The following SLC3A1 variants were observed in gnomAD, a reference collection of about 807,000 sequenced individuals.
SLC3A1 encodes amino acid transporter heavy chain SLC3A1.
In SLC3A1, 78 loss-of-function variants were observed where a neutral mutation model predicts 60.3. That is an observed-to-expected ratio of 1.29 (90% CI 1.08 to 1.56). The LOEUF (loss-of-function observed/expected upper bound fraction) is 1.56, where lower values mean the gene tolerates loss of function less well. Among genes scored for constraint, SLC3A1 ranks in the 40% most tolerant of loss-of-function variants. The pLI is 0.00. For synonymous variants in SLC3A1, 392 were observed against 307.9 expected, an observed-to-expected ratio of 1.27 and a Z score of -2.86; for missense variants, 1,172 against 858.9, an observed-to-expected ratio of 1.36 and a Z score of -4.56.
Position 44,304,166 on chromosome 2 carries a change from CAG to C in SLC3A1, c.1165_1166del (p.Ser389TyrfsTer2), listed in dbSNP as rs1558464403. On this transcript the variant is annotated frameshift_variant, in exon 7 of 10. Coordinates refer to ENST00000260649, the MANE Select transcript of SLC3A1 (RefSeq NM_000341.4). LOFTEE classifies it high-confidence loss of function. ...AGGTTCATGGGGACTGAAGCCTATG[CAG>C]AGAGTATTGACAGGACCGTGATGTA... 4 of 1,614,056 alleles carry C rather than the reference CAG, an allele frequency of 2.5e-6. No homozygotes were observed. The highest frequency in any genetic ancestry group is 2.2e-5 in the East Asian group (1 of 44,884).
chr2:44,320,043 G>C (rs1572830159), intron 9 of SLC3A1, 156 bp from the exon 10 acceptor site: 4 of 633,884 alleles, frequency 6.3e-6, no homozygotes, highest in African/African-American at 3.7e-5. Flanking sequence ...TATATAAATT[G>C]TTCTTACCTA....
In SLC3A1 at chr2:44,313,823, C is replaced by A; in HGVS notation, c.1501-12C>A. 6.2e-7 allele frequency: 1 copy of A among 1,600,750 alleles called. No individual in the cohort carries two copies. The highest frequency in any genetic ancestry group is 1.1e-5 in the South Asian group (1 of 90,796). On this transcript the variant is annotated splice_polypyrimidine_tract_variant and intron_variant, in intron 8 of 9. Coordinates refer to ENST00000260649, the MANE Select transcript of SLC3A1 (RefSeq NM_000341.4). Reference sequence around the variant, plus strand: ...CAAACCACTGTTTTCCCTTTCTGGTCTTTTGACATAGAATACCCTTCGCTC... The same window carrying A: ...CAAACCACTGTTTTCCCTTTCTGGTATTTTGACATAGAATACCCTTCGCTC...
chr2:44,289,870 A>T (rs1005986531), intron 4 of SLC3A1, among the ~76,000 whole-genome samples: 6 of 152,004 alleles, frequency 3.9e-5, no homozygotes, highest in Non-Finnish European at 7.4e-5. Context: ...ACCTCAGGTG[A>T]TCCACCCGCC....
intron 7 of SLC3A1, 114 bp downstream of exon 7, chr2:44,304,452 T>G: frequency 1.2e-6 from 1 of 846,068 alleles, no homozygotes; most frequent in Non-Finnish European, 2.0e-6. Context: ...CTGCCTTATT[T>G]GGTGATTGTT....
chr2:44,312,063 T>C (rs1242388724), intron 7 of SLC3A1, among the ~76,000 whole-genome samples: 1 of 152,222 alleles, frequency 6.6e-6, no homozygotes, highest in African/African-American at 2.4e-5. Flanking sequence ...AGAATATACC[T>C]AGAACGTTTA....
In SLC3A1 at chr2:44,293,466, G is replaced by A. The variant is rs995319141; in HGVS notation, c.892-6505G>A. Among the ~76,000 whole-genome samples, 10 of 152,044 alleles carry A rather than the reference G, an allele frequency of 6.6e-5. 1 individual carries two copies. Among genetic ancestry groups the A allele is most frequent in the South Asian group, 4.2e-4 (2 of 4,816 alleles). ...CATGAGGCAGAGGTTGCAGTGAGCC[G>A]AGATCATGCCACTGCACTCCAGCCT... On this transcript the variant is annotated intron_variant, in intron 4 of 9. Transcript: ENST00000260649.
intron 4 of SLC3A1, among the ~76,000 whole-genome samples, chr2:44,298,159 AC>A (rs112983187): frequency 0.013 from 2,028 of 150,536 alleles, 20 homozygotes; most frequent in Middle Eastern, 0.034. Flanking sequence ...GCCATACTAT[AC>A]AGTTGATTCT....
intron 4 of SLC3A1, among the ~76,000 whole-genome samples, chr2:44,297,066 C>CT (rs1671869164): frequency 1.3e-5 from 2 of 152,218 alleles, no homozygotes; most frequent in South Asian, 4.1e-4. Context: ...AGAACAAACT[C>CT]TAATACACAA....
At chr2:44,310,213 G>T (rs1172858394) in intron 7 of SLC3A1, among the ~76,000 whole-genome samples, 1 of 152,140 alleles carries the variant, frequency 6.6e-6, no homozygotes, top group East Asian at 1.9e-4. Flanking sequence ...TAGTACTTCT[G>T]TGATTTTGAG....
At chr2:44,303,094 G>A (rs772356951) in intron 6 of SLC3A1, among the ~76,000 whole-genome samples, 27 of 151,554 alleles carry the variant, frequency 1.8e-4, no homozygotes, top group Admixed American at 2.6e-4. Context: ...CTAGCTACTC[G>A]GGAGGCTGAG....
intron 4 of SLC3A1, among the ~76,000 whole-genome samples, chr2:44,293,897 G>A (rs1320650112): frequency 2.6e-5 from 4 of 152,144 alleles, no homozygotes; most frequent in East Asian, 1.9e-4. Context: ...ATAATGGTAC[G>A]TACCTAATGG....
chr2:44,314,567 G>C (rs2005202), intron 9 of SLC3A1: 122,456 of 158,800 alleles, frequency 0.77, 48,274 homozygotes, highest in African/African-American at 0.87. Flanking sequence ...CATGGAGATA[G>C]TTAAGAAATG....
chr2:44,284,328 T>A (rs1309346265), intron 3 of SLC3A1, among the ~76,000 whole-genome samples: 1 of 152,134 alleles, frequency 6.6e-6, no homozygotes, highest in Non-Finnish European at 1.5e-5. Context: ...TCTGCCCACG[T>A]CGGCTTCCCA....
chr2:44,304,185 C>A lies in SLC3A1; in HGVS notation c.1179C>A (p.Thr393=). The A allele has an allele frequency of 2.5e-6, 4 of 1,614,066 alleles. No individual in the cohort carries two copies. Among genetic ancestry groups the A allele is most frequent in the Non-Finnish European group, 3.4e-6 (4 of 1,179,980 alleles). Reference sequence around the variant, plus strand: ...CCTATGCAGAGAGTATTGACAGGACCGTGATGTACTATGGATTGCCATTTA... The same window carrying A: ...CCTATGCAGAGAGTATTGACAGGACAGTGATGTACTATGGATTGCCATTTA... ...TEAYAESIDR[T]VMYYGLPFIQ... is the part of the protein sequence containing the mutation. The change falls in exon 7 of 10, where the codon ACC becomes ACA. Residue 393 remains threonine (T), a synonymous_variant. Transcript: ENST00000260649.
In SLC3A1 at chr2:44,320,175, G is replaced by A. The variant is rs780183426; in HGVS notation, c.1618-24G>A. The stretch of plus-strand genomic sequence containing the variant: ...ACAATTCTTAGAATCAAACACTTAC[G>A]TAAATACTTTTTTAAAAAAATAGGT... On this transcript the variant is annotated intron_variant, in intron 9 of 9. Transcript: ENST00000260649. The A allele has an allele frequency of 4.3e-5, 68 of 1,573,794 alleles. No homozygotes were observed. The Admixed American group carries it at 4.4e-4, about 10-fold the overall frequency.
At chr2:44,306,350 T>A (rs1335102030) in intron 7 of SLC3A1, among the ~76,000 whole-genome samples, 1 of 152,152 alleles carries the variant, frequency 6.6e-6, no homozygotes, top group African/African-American at 2.4e-5. Context: ...GAACCACAAT[T>A]AAGCTTATTT....
Position 44,278,764 on chromosome 2 carries a change from G to A in SLC3A1, c.431-1952G>A, listed in dbSNP as rs147335650. Among the ~76,000 whole-genome samples the A allele has an allele frequency of 4.2e-3, 635 of 152,122 alleles. 1 individual carries two copies. Among genetic ancestry groups the A allele is most frequent in the Non-Finnish European group, 7.3e-3 (493 of 67,984 alleles). ...AGTTTCATTTCCACATGTCTTCTCA[G>A]CCAAGCCTAGAATTCTCTTCTGTAT... On this transcript the variant is annotated intron_variant, in intron 1 of 9. Coordinates refer to ENST00000260649, the MANE Select transcript of SLC3A1 (RefSeq NM_000341.4).
intron 1 of SLC3A1, among the ~76,000 whole-genome samples, chr2:44,277,944 C>T (rs559750685): frequency 4.0e-4 from 61 of 151,544 alleles, no homozygotes; most frequent in Admixed American, 3.7e-3. Flanking sequence ...TTGGTGATTG[C>T]CCTCTCTCCT....
intron 5 of SLC3A1, 45 bp from the exon 6 acceptor site, chr2:44,300,958 G>A (rs1489759920): frequency 1.9e-6 from 3 of 1,612,004 alleles, no homozygotes; most frequent in Admixed American, 1.7e-5. Context: ...CTGTGGGCAT[G>A]CAATGTATGA....
Sources: allele counts gnomAD v4.1 joint callset (sites outside exome capture counted in the v4.1 genomes callset), GRCh38; gene constraint gnomAD v4.1.1; transcripts MANE v1.5; gene names NCBI Gene and HGNC (gene_info 2026-07-23, HGNC 2026-07-21).